Variants in ACACA observed in about 807,000 individuals in gnomAD.
ACACA encodes the protein acetyl-CoA carboxylase 1.
Under a neutral mutation model 296.1 loss-of-function variants are expected in ACACA, and 103 were observed. The observed-to-expected ratio is 0.35, with a 90% CI of 0.30 to 0.41. The LOEUF (loss-of-function observed/expected upper bound fraction) is 0.41, where lower values mean the gene tolerates loss of function less well. ACACA is among the 10% of genes least tolerant of loss of function. The probability of loss-of-function intolerance (pLI) is 1.00; values close to 1 mark genes in which losing one functional copy is unlikely to be tolerated. For synonymous variants in ACACA, 953 were observed against 1,038.6 expected (o/e 0.92, Z 1.58); for missense variants, 1,554 against 2,989.7 (o/e 0.52, Z 11.20).
intron 3 of ACACA, among the ~76,000 whole-genome samples, chr17:37,296,302 T>A (rs1472593767): frequency 9.1e-5 from 6 of 65,922 alleles, no homozygotes; most frequent in African/African-American, 6.9e-4. Flanking sequence ...CTTTGGAGCC[T>A]TTTTTTTTTT....
chr17:37,342,124 T>C (rs962512647), intron 1 of ACACA, among the ~76,000 whole-genome samples: 6 of 151,750 alleles, frequency 4.0e-5, no homozygotes, highest in Admixed American at 1.3e-4. Flanking sequence ...AAATATATCA[T>C]GTGGCCAGGC....
At position 37,404,490 on chromosome 17, in the gene ACACA, T is replaced by C. The variant is rs1408837160; in HGVS notation, c.38+1772A>G. 2.6e-5 allele frequency among the ~76,000 whole-genome samples: 4 copies of C among 152,004 alleles called. No homozygotes were observed. The East Asian group carries it at 7.7e-4, about 29-fold the overall frequency. On this transcript the variant is annotated intron_variant, in intron 1 of 55. Transcript: ENST00000616317. ...GCCTCAGTCTCTCGAGTAGCTGGGATTACAGGTACACACCACTTCACCAGG... is the reference window on the plus strand; with the variant it reads ...GCCTCAGTCTCTCGAGTAGCTGGGACTACAGGTACACACCACTTCACCAGG...
chr17:37,109,289 A>AT (rs2142986680), intron 52 of ACACA, among the ~76,000 whole-genome samples: 1 of 152,354 alleles, frequency 6.6e-6, no homozygotes, highest in African/African-American at 2.4e-5. Context: ...AGAATACTGG[A>AT]TACCAAACAT....
intron 41 of ACACA, among the ~76,000 whole-genome samples, chr17:37,168,224 A>G (rs1428408231): frequency 1.3e-5 from 2 of 152,236 alleles, no homozygotes; most frequent in African/African-American, 4.8e-5. Flanking sequence ...CCTGGTATAT[A>G]GTAAGTGCAT....
intron 3 of ACACA, among the ~76,000 whole-genome samples, chr17:37,316,689 T>G (rs1377552409): frequency 6.6e-6 from 1 of 152,272 alleles, no homozygotes; most frequent in South Asian, 2.1e-4. Context: ...GCAATTCCAC[T>G]ACTGGGTATA....
intron 41 of ACACA, among the ~76,000 whole-genome samples, chr17:37,174,994 C>T (rs2077055720): frequency 6.6e-6 from 1 of 152,138 alleles, no homozygotes; most frequent in African/African-American, 2.4e-5. Context: ...ATCTCAGTTT[C>T]TCATTATGAC....
chr17:37,217,510 T>C (rs72826192), intron 29 of ACACA, among the ~76,000 whole-genome samples: 97,951 of 151,368 alleles, frequency 0.65, 34,615 homozygotes, highest in East Asian at 0.99. Context: ...CCGAGGTGGA[T>C]GGATCACAAG....
At chr17:37,242,927 C>G (rs1019724434) in intron 22 of ACACA, among the ~76,000 whole-genome samples, 1 of 151,884 alleles carries the variant, frequency 6.6e-6, no homozygotes, top group African/African-American at 2.4e-5. Context: ...CCCAGCTACT[C>G]AGGAGGCTGA....
At chr17:37,310,098 G>A (rs1294490230) in intron 3 of ACACA, among the ~76,000 whole-genome samples, 1 of 152,158 alleles carries the variant, frequency 6.6e-6, no homozygotes, top group Non-Finnish European at 1.5e-5. Context: ...AAGAAATAAG[G>A]AGGCAAAAGT....
chr17:37,205,214 TA>T (rs2078442256), intron 33 of ACACA, among the ~76,000 whole-genome samples: 1 of 151,806 alleles, frequency 6.6e-6, no homozygotes, highest in South Asian at 2.1e-4. Flanking sequence ...TGATTGGGAG[TA>T]AAAGGTATAG....
chr17:37,277,843 C>T, intron 6 of ACACA, 53 bp downstream of exon 6: 1 of 1,395,088 alleles, frequency 7.2e-7, no homozygotes, highest in South Asian at 1.2e-5. Flanking sequence ...CCCCTTGTGC[C>T]TAACTATAAA....
At chr17:37,273,988 C>G (rs78627446) in intron 9 of ACACA, among the ~76,000 whole-genome samples, 1 of 152,198 alleles carries the variant, frequency 6.6e-6, no homozygotes. Flanking sequence ...TTTAAAGTCA[C>G]TTCCTCAATC....
intron 5 of ACACA, among the ~76,000 whole-genome samples, chr17:37,280,126 G>A (rs2082445127): frequency 6.6e-6 from 1 of 151,950 alleles, no homozygotes; most frequent in African/African-American, 2.4e-5. Flanking sequence ...ACCTATGTTA[G>A]GTATTATCAA....
At chr17:37,181,492 T>C in intron 39 of ACACA, 136 bp from the exon 40 acceptor site, 1 of 854,760 alleles carries the variant, frequency 1.2e-6, no homozygotes, top group Non-Finnish European at 1.9e-6. Flanking sequence ...ATATGCCTCT[T>C]AACACTGGGT....
intron 54 of ACACA, among the ~76,000 whole-genome samples, chr17:37,093,257 G>A (rs1016101718): frequency 1.3e-5 from 2 of 152,182 alleles, no homozygotes; most frequent in African/African-American, 4.8e-5. Context: ...GAATAAGAGC[G>A]AGTGGGTAGC....
chr17:37,398,472 G>C (rs2051163887), intron 1 of ACACA, among the ~76,000 whole-genome samples: 1 of 142,316 alleles, frequency 7.0e-6, no homozygotes, highest in Non-Finnish European at 1.5e-5. Context: ...TTTTAGTTGA[G>C]ATGTGGTTTC....
At position 37,108,668 on chromosome 17, in the gene ACACA, G is replaced by A. The variant is rs374157496; in HGVS notation, c.6565+2863C>T. Among the ~76,000 whole-genome samples, 7 of 152,274 alleles carry A rather than the reference G, an allele frequency of 4.6e-5. No homozygotes were observed. The South Asian group carries it at 1.0e-3, about 23-fold the overall frequency. On this transcript the variant is annotated intron_variant, in intron 52 of 55. Transcript: ENST00000616317. ...CTCCTAAAGTGCTGGGATTACAGGC[G>A]TGAGCCACCGTGCCCGGAGTAATTA...
intron 1 of ACACA, among the ~76,000 whole-genome samples, chr17:37,371,728 C>T (rs1450009099): frequency 2.0e-5 from 3 of 151,338 alleles, no homozygotes; most frequent in African/African-American, 7.3e-5. Flanking sequence ...GGTGAAACCC[C>T]GTCTCTACTA....
At chr17:37,342,422 A>G (rs959231136) in intron 1 of ACACA, among the ~76,000 whole-genome samples, 18 of 124,424 alleles carry the variant, frequency 1.4e-4, no homozygotes, top group Non-Finnish European at 2.6e-4. Flanking sequence ...AAAAAAAAAA[A>G]AAAAAAAAAA....
Sources: allele counts gnomAD v4.1 joint callset (sites outside exome capture counted in the v4.1 genomes callset), GRCh38; gene constraint gnomAD v4.1.1; transcripts MANE v1.5; gene names NCBI Gene and HGNC (gene_info 2026-07-23, HGNC 2026-07-21).